MIA2: variants seen among roughly 807,000 people sequenced by gnomAD.
MIA2 encodes the protein MIA SH3 domain ER export factor 2.
In MIA2, 127 loss-of-function variants were observed where a neutral mutation model predicts 167.8. The observed-to-expected ratio is 0.76, with a 90% CI of 0.66 to 0.88. The LOEUF (loss-of-function observed/expected upper bound fraction) is 0.88, where lower values mean the gene tolerates loss of function less well. Among genes scored for constraint, MIA2 ranks in the 40% least tolerant of loss-of-function variants. The pLI, the probability that MIA2 is intolerant of heterozygous loss-of-function variation, is 0.00. For missense variants in MIA2, 1,690 were observed against 1,624.7 expected (o/e 1.04, Z -0.69); for synonymous variants, 552 against 541.9 (o/e 1.02, Z -0.26).
Position 39,345,963 on chromosome 14 carries a change from T to C in MIA2, c.3715T>C (p.Ser1239Pro). The C allele has an allele frequency of 6.2e-7, 1 of 1,611,834 alleles. No individual in the cohort carries two copies. Among genetic ancestry groups the C allele is most frequent in the Non-Finnish European group, 8.5e-7 (1 of 1,178,336 alleles). The change falls in exon 26 of 29, where the codon TCT (serine) becomes CCT (proline). Residue 1239 changes from serine (S) to proline (P), a missense_variant. By Grantham distance (74) the Ser-to-Pro change is moderately conservative. Transcript: ENST00000640607. ...AAGGCAAGACAGATTTTGTTCTAAT[T>C]CTGGTAGACTGTCTGGACCAGCAGA... is the stretch of plus-strand genomic sequence containing the variant. ...PQRQDRFCSN[S>P]GRLSGPAELR...
At chr14:39,303,888 C>CT (rs991269538) in intron 16 of MIA2, among the ~76,000 whole-genome samples, 1 of 151,874 alleles carries the variant, frequency 6.6e-6, no homozygotes, top group African/African-American at 2.4e-5. Flanking sequence ...TACTAGATGC[C>CT]TTTTTTTCTG....
chr14:39,252,411 C>T (rs887724947), intron 4 of MIA2, among the ~76,000 whole-genome samples: 3 of 152,090 alleles, frequency 2.0e-5, no homozygotes, highest in African/African-American at 7.2e-5. Context: ...CAGGAGGCCT[C>T]CAGAAAGCAG....
chr14:39,258,709 T>C (rs2054932175), intron 6 of MIA2, among the ~76,000 whole-genome samples: 1 of 152,240 alleles, frequency 6.6e-6, no homozygotes, highest in Non-Finnish European at 1.5e-5. Context: ...GGTTTTTCCT[T>C]ATCTTCATGG....
At chr14:39,352,318 C>G (rs1158879051), downstream of MIA2, among the ~76,000 whole-genome samples, 1 of 151,312 alleles carries the variant, frequency 6.6e-6, no homozygotes, top group Non-Finnish European at 1.5e-5. Flanking sequence ...GATTGCTTCT[C>G]TGTTCCATGT....
intron 9 of MIA2, among the ~76,000 whole-genome samples, chr14:39,283,336 C>T (rs529441869): frequency 6.6e-6 from 1 of 152,194 alleles, no homozygotes; most frequent in African/African-American, 2.4e-5. Context: ...TGACTGTACC[C>T]ATCTACATCC....
intron 25 of MIA2, among the ~76,000 whole-genome samples, chr14:39,327,980 T>A (rs556980827): frequency 6.6e-6 from 1 of 152,366 alleles, no homozygotes; most frequent in African/African-American, 2.4e-5. Flanking sequence ...TTTGGGTATA[T>A]ACCCAGTAAT....
intron 23 of MIA2, among the ~76,000 whole-genome samples, chr14:39,362,643 C>T (rs1284661165): frequency 6.6e-6 from 1 of 151,922 alleles, no homozygotes; most frequent in Non-Finnish European, 1.5e-5. Flanking sequence ...CTTTTTGCTT[C>T]ACTAATCTTT....
At chr14:39,261,638 C>T (rs1296547895) in intron 6 of MIA2, among the ~76,000 whole-genome samples, 1 of 152,180 alleles carries the variant, frequency 6.6e-6, no homozygotes, top group Non-Finnish European at 1.5e-5. Flanking sequence ...TCTCCACATC[C>T]TCTCCAGCAC....
intron 23 of MIA2, among the ~76,000 whole-genome samples, chr14:39,384,348 GC>G (rs1805677001): frequency 6.6e-6 from 1 of 152,066 alleles, no homozygotes; most frequent in Admixed American, 6.6e-5. Context: ...TCAGAAAAAG[GC>G]TCCTTTTAAA....
chr14:39,354,343 G>C (rs147961398), downstream of MIA2, among the ~76,000 whole-genome samples: 30 of 152,218 alleles, frequency 2.0e-4, no homozygotes, highest in Non-Finnish European at 3.5e-4. Context: ...TCATGTGTCT[G>C]TAGGCTGCAT....
intron 23 of MIA2, among the ~76,000 whole-genome samples, chr14:39,373,435 A>G (rs1030967531): frequency 6.6e-6 from 1 of 151,130 alleles, no homozygotes; most frequent in African/African-American, 2.4e-5. Context: ...TTTAAAAATA[A>G]TTTGAAAGAT....
At chr14:39,345,145 C>A (rs766180734) in intron 25 of MIA2, among the ~76,000 whole-genome samples, 7 of 152,106 alleles carry the variant, frequency 4.6e-5, no homozygotes, top group Non-Finnish European at 1.0e-4. Context: ...GTGGCATGAT[C>A]TCGGCTCACT....
chr14:39,363,239 A>G (rs947861810), intron 23 of MIA2, among the ~76,000 whole-genome samples: 5 of 152,174 alleles, frequency 3.3e-5, no homozygotes, highest in Non-Finnish European at 7.4e-5. Flanking sequence ...GTTTAAGTCT[A>G]ATGTTTCTGG....
intron 12 of MIA2, among the ~76,000 whole-genome samples, chr14:39,294,540 A>C (rs7142240): frequency 0.02 from 3,071 of 151,710 alleles, 106 homozygotes; most frequent in African/African-American, 0.068. Flanking sequence ...AGAAAAGTTC[A>C]TCTTTTCAGT....
chr14:39,299,394 G>A (rs1208675307), intron 13 of MIA2, among the ~76,000 whole-genome samples: 2 of 130,812 alleles, frequency 1.5e-5, no homozygotes, highest in African/African-American at 5.7e-5. Flanking sequence ...TGCAACCTCT[G>A]CCTCCTGGGT....
At chr14:39,306,188 A>G (rs999278323) in intron 17 of MIA2, among the ~76,000 whole-genome samples, 6 of 152,010 alleles carry the variant, frequency 3.9e-5, no homozygotes, top group Non-Finnish European at 5.9e-5. Context: ...TTTAATGTTT[A>G]GGTATTTATG....
chr14:39,293,959 A>G, intron 11 of MIA2, 41 bp from the exon 12 acceptor site: 3 of 1,497,940 alleles, frequency 2.0e-6, no homozygotes, highest in South Asian at 1.2e-5. Flanking sequence ...TTTGGAAACT[A>G]GAGTTTAGTA....
At chr14:39,298,427 A>AAG (rs2061771747) in intron 13 of MIA2, among the ~76,000 whole-genome samples, 1 of 78,502 alleles carries the variant, frequency 1.3e-5, no homozygotes, top group Admixed American at 1.3e-4. Flanking sequence ...ATATATATAT[A>AAG]TATATATATA....
In MIA2 at chr14:39,277,064, C is replaced by T. The variant is rs185291670; in HGVS notation, c.2018C>T (p.Ser673Leu). Residue 673 changes from serine (S) to leucine (L), a missense_variant and splice_region_variant, in exon 7 of 29, where the codon TCG (serine) becomes TTG (leucine). Coordinates refer to ENST00000640607, the MANE Select transcript of MIA2 (RefSeq NM_001329214.4). ...VLFFLWRSFRSVRSRLYVGRE... is the reference protein window; with the variant it reads ...VLFFLWRSFRLVRSRLYVGRE... ...TTTTTTTTGTGGAGAAGTTTTAGAT[C>T]GGTAAGTAACCAGTGCTATACTAAG... 71 of 1,613,114 alleles carry T rather than the reference C, an allele frequency of 4.4e-5. No homozygotes were observed. Among genetic ancestry groups the T allele is most frequent in the Admixed American group, 6.7e-5 (4 of 59,890 alleles).
Sources: allele counts gnomAD v4.1 joint callset (sites outside exome capture counted in the v4.1 genomes callset), GRCh38; gene constraint gnomAD v4.1.1; transcripts MANE v1.5; gene names NCBI Gene and HGNC (gene_info 2026-07-23, HGNC 2026-07-21).